Variants in TRIM14 observed in about 807,000 individuals in gnomAD.
The protein encoded by TRIM14 is tripartite motif-containing protein 14.
Under a neutral mutation model 44.5 loss-of-function variants are expected in TRIM14, and 28 were observed. That is an observed-to-expected ratio of 0.63 (90% CI 0.47 to 0.86). The LOEUF (loss-of-function observed/expected upper bound fraction) is 0.86, where lower values mean the gene tolerates loss of function less well. Among genes scored for constraint, TRIM14 ranks in the 40% least tolerant of loss-of-function variants. TRIM14 has a pLI of 0.00. For synonymous variants in TRIM14, 299 were observed against 269.2 expected (o/e 1.11, Z -1.08); for missense variants, 607 against 611.1 (o/e 0.99, Z 0.07).
intron 5 of TRIM14, among the ~76,000 whole-genome samples, chr9:98,090,854 G>C (rs928477739): frequency 6.6e-6 from 1 of 152,162 alleles, no homozygotes; most frequent in East Asian, 1.9e-4. Context: ...GTGAGCCACC[G>C]TGCTCGGCCT....
chr9:98,102,179 C>A (rs952787821), intron 2 of TRIM14, among the ~76,000 whole-genome samples: 1 of 152,118 alleles, frequency 6.6e-6, no homozygotes, highest in Non-Finnish European at 1.5e-5. Context: ...TCCACCTGCA[C>A]CCAGGCATCC....
chr9:98,110,102 G>A, intron 1 of TRIM14, 118 bp from the exon 2 acceptor site: 1 of 772,454 alleles, frequency 1.3e-6, no homozygotes, highest in Non-Finnish European at 2.2e-6. Context: ...GCATCTGAAG[G>A]TGAGGTAACT....
At chr9:98,048,107 C>T in the TRIM14 span, among the ~76,000 whole-genome samples, 1 of 151,852 alleles carries the variant, frequency 6.6e-6, no homozygotes, top group Non-Finnish European at 1.5e-5. Context: ...ACCCACACCC[C>T]CTGACTGAGA....
At chr9:98,094,782 G>T in intron 4 of TRIM14, 85 bp downstream of exon 4, 1 of 1,480,484 alleles carries the variant, frequency 6.8e-7, no homozygotes, top group African/African-American at 1.4e-5. Context: ...GAGACAGGAT[G>T]TAGGGAGATG....
Position 98,091,893 on chromosome 9 carries a change from C to A in TRIM14, c.793+16G>T, listed in dbSNP as rs200416495. 6.4e-7 allele frequency: 1 copy of A among 1,573,862 alleles called. No individual in the cohort carries two copies. ...CTCCACCGTCTCCACCCTATCCCCA[C>A]TCCCGGGGGTCTTACATTTCAGCAA... On this transcript the variant is annotated intron_variant, in intron 5 of 5. Transcript: ENST00000341469.
intron 5 of TRIM14, among the ~76,000 whole-genome samples, chr9:98,090,547 T>C (rs2118252600): frequency 6.7e-6 from 1 of 150,084 alleles, no homozygotes; most frequent in Non-Finnish European, 1.5e-5. Flanking sequence ...TCTGCACATT[T>C]TTGATTTGTG....
At chr9:98,056,912 T>C in the TRIM14 span, 12 of 1,609,182 alleles carry the variant, frequency 7.5e-6, no homozygotes, top group East Asian at 2.7e-4. Context: ...GACCTGGACG[T>C]AGCCAAGCGC....
At chr9:98,037,894 G>A in the TRIM14 span, among the ~76,000 whole-genome samples, 2 of 152,032 alleles carry the variant, frequency 1.3e-5, no homozygotes, top group East Asian at 1.9e-4. Context: ...TTAATATGTT[G>A]TTATTACTTG....
chr9:98,099,427 G>C (rs1378267966), intron 3 of TRIM14, among the ~76,000 whole-genome samples: 1 of 149,616 alleles, frequency 6.7e-6, no homozygotes, highest in Non-Finnish European at 1.5e-5. Flanking sequence ...ACTCCGGCCT[G>C]GGCAACAAGA....
rs570483866 is a variant in TRIM14 at position 98,106,349 on chromosome 9, AAT to A, written c.303+3538_303+3539del. Among the ~76,000 whole-genome samples the A allele has an allele frequency of 7.5e-4, 115 of 152,334 alleles. 1 individual carries two copies. The highest frequency in any genetic ancestry group is 2.6e-3 in the African/African-American group (110 of 41,576). On this transcript the variant is annotated intron_variant, in intron 2 of 5. Coordinates refer to ENST00000341469, the MANE Select transcript of TRIM14 (RefSeq NM_014788.4). ...GCAGGATTATGGATGAATTTTTAAA[AAT>A]ATGTTTCTTGATCAGGAATTGAATA...
downstream of TRIM14, among the ~76,000 whole-genome samples, chr9:98,082,691 T>C (rs1017614383): frequency 3.3e-5 from 5 of 152,226 alleles, no homozygotes; most frequent in Admixed American, 6.5e-5. Context: ...ATTCCTGCCA[T>C]GTATGAGATA....
At chr9:98,065,293 T>TA (rs1829104176), downstream of TRIM14, among the ~76,000 whole-genome samples, 3 of 149,920 alleles carry the variant, frequency 2.0e-5, no homozygotes, top group Admixed American at 6.6e-5. Flanking sequence ...TTTAAAGTGT[T>TA]AGTCACTCCT....
chr9:98,061,636 T>C, the TRIM14 span, among the ~76,000 whole-genome samples: 1 of 149,676 alleles, frequency 6.7e-6, no homozygotes, highest in Non-Finnish European at 1.5e-5. Context: ...AAAAATTAGC[T>C]GGGCGTGGTG....
the TRIM14 span, among the ~76,000 whole-genome samples, chr9:98,040,518 G>A: frequency 2.1e-4 from 32 of 151,890 alleles, no homozygotes; most frequent in Admixed American, 3.9e-4. Flanking sequence ...CCCGGCATGC[G>A]CTCTCCTGCA....
intron 3 of TRIM14, among the ~76,000 whole-genome samples, chr9:98,098,262 T>C (rs1826255236): frequency 6.6e-6 from 1 of 152,202 alleles, no homozygotes; most frequent in Non-Finnish European, 1.5e-5. Context: ...CATGAAGCCT[T>C]AGTCTGGTTA....
the TRIM14 span, chr9:98,056,599 TC>T: frequency 1.5e-6 from 1 of 662,992 alleles, no homozygotes; most frequent in Non-Finnish European, 2.4e-6. Flanking sequence ...CCGCCGCCCT[TC>T]CCGCGGGAGG....
At chr9:98,094,744 C>T in intron 4 of TRIM14, 123 bp downstream of exon 4, 1 of 1,203,700 alleles carries the variant, frequency 8.3e-7, no homozygotes, top group Non-Finnish European at 1.2e-6. Flanking sequence ...GAGCCCCTGA[C>T]CGCCCAGCCA....
At chr9:98,092,867 G>T (rs577525665) in intron 4 of TRIM14, among the ~76,000 whole-genome samples, 1 of 152,288 alleles carries the variant, frequency 6.6e-6, no homozygotes, top group South Asian at 2.1e-4. Flanking sequence ...CCACCACGTG[G>T]CTGTGCTGGA....
At chr9:98,050,743 C>T in the TRIM14 span, among the ~76,000 whole-genome samples, 1 of 152,216 alleles carries the variant, frequency 6.6e-6, no homozygotes, top group African/African-American at 2.4e-5. Flanking sequence ...CTGGTCTCAG[C>T]GTGTCATTCA....
Sources: gnomAD v4.1 joint callset for allele counts (sites outside exome capture counted in the v4.1 genomes callset) on GRCh38, gnomAD v4.1.1 for gene constraint, MANE v1.5 for transcripts, NCBI Gene and HGNC (gene_info 2026-07-23, HGNC 2026-07-21) for gene names.